Variants in ARHGAP42 observed in about 807,000 individuals in gnomAD.
The protein encoded by ARHGAP42 is Rho GTPase activating protein 42.
ARHGAP42 carries 63 observed loss-of-function variants against 125.0 expected under a neutral mutation model. The ratio of observed to expected loss-of-function variants is 0.50; its 90% CI spans 0.41 to 0.62. The LOEUF (loss-of-function observed/expected upper bound fraction) is 0.62, where lower values mean the gene tolerates loss of function less well. Ranked by LOEUF, ARHGAP42 falls within the 20% of genes least tolerant of loss-of-function variation. The pLI is 0.00. For missense variants in ARHGAP42, 766 were observed against 1,024.2 expected (o/e 0.75, Z 3.44); for synonymous variants, 339 against 351.0 (o/e 0.97, Z 0.38).
At chr11:100,979,576 A>G (rs1394497390) in intron 22 of ARHGAP42, among the ~76,000 whole-genome samples, 2 of 152,280 alleles carry the variant, frequency 1.3e-5, no homozygotes, top group Admixed American at 6.5e-5. Context: ...TCTTGCTTCT[A>G]CTAATGTGCT....
intron 1 of ARHGAP42, among the ~76,000 whole-genome samples, chr11:100,711,328 C>T (rs78316572): frequency 0.011 from 1,606 of 152,174 alleles, 23 homozygotes; most frequent in African/African-American, 0.035. Context: ...CTTCCTTCTA[C>T]TTGAATGTGT....
chr11:100,961,814 C>T (rs1476638226), intron 15 of ARHGAP42, 46 bp downstream of exon 15: 8 of 1,484,698 alleles, frequency 5.4e-6, no homozygotes, highest in Admixed American at 4.0e-5. Flanking sequence ...ATCTCTGACT[C>T]ACCCCTTGAG....
intron 1 of ARHGAP42, among the ~76,000 whole-genome samples, chr11:100,757,018 A>T (rs191861628): frequency 2.2e-4 from 33 of 152,362 alleles, no homozygotes; most frequent in Non-Finnish European, 3.8e-4. Flanking sequence ...TCTTCTTTAA[A>T]GACATTTATG....
At chr11:100,966,033 T>G (rs1858085429) in intron 17 of ARHGAP42, among the ~76,000 whole-genome samples, 1 of 152,182 alleles carries the variant, frequency 6.6e-6, no homozygotes, top group Non-Finnish European at 1.5e-5. Flanking sequence ...AACAATTAGA[T>G]GTGTCAACTT....
chr11:100,867,201 G>C (rs1865589411), intron 4 of ARHGAP42, among the ~76,000 whole-genome samples: 1 of 152,214 alleles, frequency 6.6e-6, no homozygotes, highest in Non-Finnish European at 1.5e-5. Context: ...AAAGTCACCA[G>C]CTGCATTAGC....
At chr11:100,902,597 C>A (rs923793465) in intron 4 of ARHGAP42, among the ~76,000 whole-genome samples, 2 of 152,092 alleles carry the variant, frequency 1.3e-5, no homozygotes, top group African/African-American at 4.8e-5. Context: ...CTTCAGGGCT[C>A]TTTGGTCTTG....
intron 4 of ARHGAP42, among the ~76,000 whole-genome samples, chr11:100,881,916 C>T (rs568967522): frequency 3.3e-5 from 5 of 152,134 alleles, no homozygotes; most frequent in Admixed American, 2.0e-4. Flanking sequence ...TCAGCTTGGT[C>T]GCTGTTGGTA....
chr11:100,789,609 C>T (rs1473488072), intron 2 of ARHGAP42, among the ~76,000 whole-genome samples: 1 of 152,182 alleles, frequency 6.6e-6, no homozygotes, highest in Non-Finnish European at 1.5e-5. Context: ...CAAGCATGTG[C>T]TCACGTGAGT....
At chr11:100,835,689 T>C (rs574087217) in intron 3 of ARHGAP42, among the ~76,000 whole-genome samples, 1 of 152,264 alleles carries the variant, frequency 6.6e-6, no homozygotes, top group Non-Finnish European at 1.5e-5. Context: ...CTTAATGATA[T>C]TCCTATTGCC....
intron 2 of ARHGAP42, among the ~76,000 whole-genome samples, chr11:100,784,575 C>A (rs1202492870): frequency 6.6e-6 from 1 of 152,020 alleles, no homozygotes; most frequent in Non-Finnish European, 1.5e-5. Context: ...AATGGTGTTA[C>A]CAGCACATTT....
chr11:100,935,668 A>ACC (rs1867717747), intron 7 of ARHGAP42, among the ~76,000 whole-genome samples: 1 of 114,142 alleles, frequency 8.8e-6, no homozygotes, highest in South Asian at 2.4e-4. Flanking sequence ...ACACACACAC[A>ACC]CACACACACA....
intron 6 of ARHGAP42, among the ~76,000 whole-genome samples, chr11:100,924,273 T>A (rs1445247438): frequency 3.3e-5 from 5 of 152,092 alleles, no homozygotes; most frequent in Non-Finnish European, 7.3e-5. Flanking sequence ...TATTCTTACC[T>A]TATGATGGTA....
intron 3 of ARHGAP42, among the ~76,000 whole-genome samples, chr11:100,845,372 G>C (rs1315931045): frequency 6.6e-6 from 1 of 151,992 alleles, no homozygotes; most frequent in Non-Finnish European, 1.5e-5. Flanking sequence ...AGGGGGTGAG[G>C]GGTAAAAGAC....
intron 2 of ARHGAP42, among the ~76,000 whole-genome samples, chr11:100,786,755 C>A (rs1165277798): frequency 6.6e-6 from 1 of 152,142 alleles, no homozygotes; most frequent in African/African-American, 2.4e-5. Flanking sequence ...TGCTAACAAT[C>A]TGGAGCAGTA....
chr11:100,888,607 A>T (rs1050934536), intron 4 of ARHGAP42, among the ~76,000 whole-genome samples: 1 of 152,220 alleles, frequency 6.6e-6, no homozygotes, highest in Non-Finnish European at 1.5e-5. Context: ...CCAATTTCCC[A>T]TTTTTATTAT....
intron 1 of ARHGAP42, among the ~76,000 whole-genome samples, chr11:100,741,974 A>C (rs1288792680): frequency 6.6e-6 from 1 of 152,186 alleles, no homozygotes; most frequent in African/African-American, 2.4e-5. Flanking sequence ...CAATAAAAAA[A>C]ACCTAGAGGA....
chr11:100,943,740 G>A lies in ARHGAP42; in HGVS notation c.934-19G>A. ...TCACTTGTCAGCATGTTAATACTGTGGTACTCTTCTTGTTTCAGAATGGCC... is the reference window on the plus strand; with the variant it reads ...TCACTTGTCAGCATGTTAATACTGTAGTACTCTTCTTGTTTCAGAATGGCC... On this transcript the variant is annotated intron_variant, in intron 9 of 23. Coordinates refer to ENST00000298815, the MANE Select transcript of ARHGAP42 (RefSeq NM_152432.4). 6.8e-7 allele frequency: 1 copy of A among 1,462,056 alleles called. No homozygotes were observed. Among genetic ancestry groups the A allele is most frequent in the Non-Finnish European group, 9.4e-7 (1 of 1,068,186 alleles). The allele number at this position is 1,462,056 out of a possible 1,614,324, so 90.6% of individuals were successfully genotyped here.
intron 3 of ARHGAP42, among the ~76,000 whole-genome samples, chr11:100,832,315 T>C (rs1314765602): frequency 1.3e-5 from 2 of 152,234 alleles, no homozygotes; most frequent in Middle Eastern, 3.2e-3. Context: ...TAGCTGATAT[T>C]CTAGGCAGCA....
chr11:100,857,334 T>A (rs1158185097), intron 3 of ARHGAP42, among the ~76,000 whole-genome samples: 2 of 152,088 alleles, frequency 1.3e-5, no homozygotes, highest in Admixed American at 6.6e-5. Context: ...CTGTTAATTA[T>A]TCTGTTTTGT....
Sources: allele counts gnomAD v4.1 joint callset (sites outside exome capture counted in the v4.1 genomes callset), GRCh38; gene constraint gnomAD v4.1.1; transcripts MANE v1.5; gene names NCBI Gene and HGNC (gene_info 2026-07-23, HGNC 2026-07-21).